PTPN13: variants seen among roughly 807,000 people sequenced by gnomAD.
PTPN13 encodes the protein tyrosine-protein phosphatase non-receptor type 13.
PTPN13 carries 191 observed loss-of-function variants against 284.0 expected under a neutral mutation model. That is an observed-to-expected ratio of 0.67 (90% CI 0.60 to 0.76). The LOEUF is 0.76. PTPN13 is among the 30% of genes least tolerant of loss of function. The probability of loss-of-function intolerance (pLI) is 0.00; values close to 1 mark genes in which losing one functional copy is unlikely to be tolerated. For missense variants in PTPN13, 2,797 were observed against 2,939.9 expected (o/e 0.95, Z 1.12); for synonymous variants, 986 against 1,022.3 (o/e 0.96, Z 0.68).
intron 36 of PTPN13, among the ~76,000 whole-genome samples, chr4:86,780,739 T>C (rs986811827): frequency 6.6e-6 from 1 of 152,206 alleles, no homozygotes; most frequent in Non-Finnish European, 1.5e-5. Context: ...ACTGAAAAAC[T>C]GGTTGTAATA....
chr4:86,735,884 A>T (rs1735438630), intron 15 of PTPN13, 138 bp downstream of exon 15: 1 of 753,852 alleles, frequency 1.3e-6, no homozygotes, highest in Non-Finnish European at 2.0e-6. Context: ...GGCTAAAATT[A>T]TGGTATTTTA....
At chr4:86,639,923 A>G (rs1723568845) in intron 2 of PTPN13, among the ~76,000 whole-genome samples, 1 of 152,164 alleles carries the variant, frequency 6.6e-6, no homozygotes, top group African/African-American at 2.4e-5. Flanking sequence ...ACAAGCCCTC[A>G]AGGACATTGT....
intron 2 of PTPN13, among the ~76,000 whole-genome samples, chr4:86,660,860 G>A (rs900991685): frequency 2.0e-5 from 3 of 152,098 alleles, no homozygotes; most frequent in Admixed American, 2.0e-4. Context: ...TAAACAGCCA[G>A]TTTTATATAT....
chr4:86,667,296 G>T (rs1267419394), intron 2 of PTPN13, among the ~76,000 whole-genome samples: 1 of 152,036 alleles, frequency 6.6e-6, no homozygotes, highest in Non-Finnish European at 1.5e-5. Flanking sequence ...TCTTTAAAGA[G>T]ACTATGATTA....
At chr4:86,645,471 T>C (rs906895521) in intron 2 of PTPN13, among the ~76,000 whole-genome samples, 6 of 152,180 alleles carry the variant, frequency 3.9e-5, no homozygotes, top group Admixed American at 1.3e-4. Context: ...TGTAGAAAAT[T>C]TGATAGAATC....
At chr4:86,736,838 A>G (rs1245221222) in intron 15 of PTPN13, among the ~76,000 whole-genome samples, 2 of 152,208 alleles carry the variant, frequency 1.3e-5, no homozygotes, top group African/African-American at 4.8e-5. Flanking sequence ...AGCATGCCTA[A>G]GGAATATTAG....
chr4:86,678,534 C>A (rs913419062), intron 3 of PTPN13, among the ~76,000 whole-genome samples: 1 of 152,196 alleles, frequency 6.6e-6, no homozygotes, highest in Non-Finnish European at 1.5e-5. Flanking sequence ...ATGCTCTTGA[C>A]TTTTATGTAA....
rs1166814661 is a variant in PTPN13, at chr4:86,761,171, A to ATATATATAT, written c.3554-1556_3554-1555insTATATATAT. The stretch of plus-strand genomic sequence containing the variant: ...ATATATATATATATATATATATATA[A>ATATATATAT]ACACAACACATACACACACTATTTT... On this transcript the variant is annotated intron_variant, in intron 23 of 47. Transcript: ENST00000411767. Among the ~76,000 whole-genome samples, 766 of 85,886 alleles carry ATATATATAT rather than the reference A, an allele frequency of 8.9e-3. 9 individuals are homozygous for ATATATATAT. The highest frequency in any genetic ancestry group is 0.029 in the African/African-American group (704 of 24,466). The allele number at this position is 85,886 out of a possible 152,430, so 56.3% of individuals were successfully genotyped here.
intron 37 of PTPN13, 40 bp downstream of exon 37, chr4:86,782,302 A>G: frequency 2.7e-6 from 4 of 1,495,692 alleles, no homozygotes; most frequent in Non-Finnish European, 3.7e-6. Flanking sequence ...ATACCTCCTT[A>G]TCTGAGGAAC....
chr4:86,811,213 G>T, intron 47 of PTPN13, 105 bp downstream of exon 47: 4 of 1,098,918 alleles, frequency 3.6e-6, no homozygotes, highest in Non-Finnish European at 3.7e-6. Flanking sequence ...CCATGTTAGA[G>T]CATAAAACCA....
intron 1 of PTPN13, among the ~76,000 whole-genome samples, chr4:86,603,641 A>G (rs955943228): frequency 1.3e-5 from 2 of 152,126 alleles, no homozygotes; most frequent in African/African-American, 4.8e-5. Flanking sequence ...CACATCTCTT[A>G]GCATCTCTTA....
Position 86,751,041 on chromosome 4 carries a change from C to T in PTPN13, c.3083C>T (p.Ala1028Val), listed in dbSNP as rs529404601. 8.7e-6 allele frequency: 14 copies of T among 1,606,564 alleles called. No individual in the cohort carries two copies. The highest frequency in any genetic ancestry group is 2.7e-5 in the African/African-American group (2 of 74,820). The change falls in exon 19 of 48, where the codon GCG becomes GTG. Residue 1028 changes from alanine to valine, a missense_variant. Ala to Val is a moderately conservative substitution (Grantham distance 64). Transcript: ENST00000411767. ...TCCCTCTTCAGTTCAAAGTCTGTTG[C>T]GAGTTTAAATAGAAGTCCTGAAAGG... ...VTKLNNSKSV[A>V]SLNRSPERRK...
At chr4:86,798,090 G>T (rs956680341) in intron 41 of PTPN13, among the ~76,000 whole-genome samples, 1 of 152,124 alleles carries the variant, frequency 6.6e-6, no homozygotes. Flanking sequence ...GAAGAAAAAT[G>T]CATGCCCTTT....
intron 46 of PTPN13, among the ~76,000 whole-genome samples, chr4:86,810,811 G>A (rs1745139483): frequency 6.6e-6 from 1 of 152,042 alleles, no homozygotes; most frequent in Admixed American, 6.6e-5. Flanking sequence ...TTTTCTTTGG[G>A]GGATTTTCAA....
intron 2 of PTPN13, among the ~76,000 whole-genome samples, chr4:86,644,131 AT>A (rs869139484): frequency 1.3e-3 from 184 of 145,794 alleles, no homozygotes; most frequent in East Asian, 2.2e-3. Context: ...AAGATGATTG[AT>A]TTTTTTTTTT....
chr4:86,700,356 G>A (rs77789143), intron 6 of PTPN13, among the ~76,000 whole-genome samples: 7,513 of 152,020 alleles, frequency 0.049, 256 homozygotes, highest in African/African-American at 0.071. Flanking sequence ...ATATTTACCC[G>A]TATTTCTTTT....
intron 2 of PTPN13, among the ~76,000 whole-genome samples, chr4:86,667,163 G>A (rs947869177): frequency 5.9e-5 from 9 of 152,148 alleles, no homozygotes; most frequent in African/African-American, 2.2e-4. Context: ...TAGGGATTTG[G>A]ATGATTAGCA....
intron 40 of PTPN13, among the ~76,000 whole-genome samples, chr4:86,792,401 C>G (rs1474202342): frequency 1.3e-5 from 2 of 152,138 alleles, no homozygotes; most frequent in Admixed American, 6.5e-5. Flanking sequence ...CCGGAAAGGA[C>G]AGGCAGAATG....
Position 86,635,327 on chromosome 4 carries a change from T to C in PTPN13, c.71T>C (p.Val24Ala), listed in dbSNP as rs760591386. 1 of 1,606,900 alleles carries C rather than the reference T, an allele frequency of 6.2e-7. No homozygotes were observed. The highest frequency in any genetic ancestry group is 8.5e-7 in the Non-Finnish European group (1 of 1,176,940). Residue 24 changes from valine to alanine, a missense_variant, in exon 2 of 48, where the codon GTA (valine) becomes GCA (alanine). Val to Ala is a moderately conservative substitution (Grantham distance 64, BLOSUM62 0). Coordinates refer to ENST00000411767, the MANE Select transcript of PTPN13 (RefSeq NM_080683.3). ...CTTCAGGAGGAAGAAATATGGGCTG[T>C]ATTAAATCAAAGTGCTGAAAGTCTC... ...GPLQEEEIWA[V>A]LNQSAESLQE...
Sources: allele counts gnomAD v4.1 joint callset (sites outside exome capture counted in the v4.1 genomes callset), GRCh38; gene constraint gnomAD v4.1.1; transcripts MANE v1.5; gene names NCBI Gene and HGNC (gene_info 2026-07-23, HGNC 2026-07-21).